Variants in CHFR observed in about 807,000 individuals in gnomAD.
CHFR encodes the protein checkpoint with forkhead and ring finger domains, also known as E3 ubiquitin-protein ligase CHFR.
In CHFR, 57 loss-of-function variants were observed where a neutral mutation model predicts 87.6. The observed-to-expected ratio is 0.65, with a 90% CI of 0.53 to 0.81. The LOEUF (loss-of-function observed/expected upper bound fraction) is 0.81. CHFR is among the 30% of genes least tolerant of loss of function. CHFR has a pLI of 0.00. For synonymous variants in CHFR, 381 were observed against 359.2 expected (o/e 1.06, Z -0.69); for missense variants, 797 against 865.8 (o/e 0.92, Z 1.00).
chr12:132,859,249 T>TCTAA (rs761393257), intron 7 of CHFR, 22 bp from the exon 8 acceptor site: 3 of 1,603,404 alleles, frequency 1.9e-6, no homozygotes, highest in Non-Finnish European at 2.6e-6. Context: ...AGGGATGTGT[T>TCTAA]CTGTCGTAAC....
At chr12:132,884,957 A>T (rs1042001950) in intron 2 of CHFR, among the ~76,000 whole-genome samples, 4 of 151,884 alleles carry the variant, frequency 2.6e-5, no homozygotes, top group African/African-American at 9.7e-5. Flanking sequence ...GTGTGGTGGT[A>T]CGTGCCTGTA....
intron 6 of CHFR, among the ~76,000 whole-genome samples, chr12:132,862,996 A>C (rs1951250428): frequency 6.7e-6 from 1 of 150,056 alleles, no homozygotes; most frequent in Non-Finnish European, 1.5e-5. Flanking sequence ...TCCCTGGTTC[A>C]CGCCATTCTC....
At chr12:132,873,331 C>T (rs945794049) in intron 3 of CHFR, among the ~76,000 whole-genome samples, 1 of 152,196 alleles carries the variant, frequency 6.6e-6, no homozygotes, top group Non-Finnish European at 1.5e-5. Flanking sequence ...AGACAGTAAG[C>T]AAATGAACTG....
chr12:132,878,919 A>C (rs1951698760), intron 2 of CHFR, among the ~76,000 whole-genome samples: 1 of 151,854 alleles, frequency 6.6e-6, no homozygotes, highest in Non-Finnish European at 1.5e-5. Flanking sequence ...TAGGTTTCAT[A>C]AATCAACATA....
At chr12:132,842,988 C>T (rs1275602613) in intron 17 of CHFR, 23 bp downstream of exon 17, 4 of 1,596,796 alleles carry the variant, frequency 2.5e-6, no homozygotes, top group South Asian at 1.1e-5. Flanking sequence ...GTAGCTGACG[C>T]CTGTGCCCCC....
At chr12:132,884,455 A>G (rs554402332) in intron 2 of CHFR, among the ~76,000 whole-genome samples, 151 of 151,660 alleles carry the variant, frequency 1.0e-3, no homozygotes, top group Non-Finnish European at 1.9e-3. Flanking sequence ...ATAAATAAAT[A>G]AAATAATCAA....
In CHFR at chr12:132,887,284, G is replaced by T. The variant is rs547086677; in HGVS notation, c.45C>A (p.Pro15=). Residue 15 remains proline, a synonymous_variant, in exon 2 of 18, where the codon CCC becomes CCA. Transcript: ENST00000450056. ...CGCCCAGACGCAGGAGCCGTCCCCA[G>T]GGCTGCGGCGGCGGCGACTGCTTGC... The part of the protein sequence containing the change: ...EEGKQSPPPQ[P]WGRLLRLGAE... The T allele has an allele frequency of 1.3e-6, 2 of 1,488,042 alleles. No individual in the cohort carries two copies. Among genetic ancestry groups the T allele is most frequent in the South Asian group, 1.3e-5 (1 of 79,138 alleles). The allele number at this position is 1,488,042 out of a possible 1,614,324, so 92.2% of individuals were successfully genotyped here.
chr12:132,869,849 G>A lies in CHFR; in HGVS notation c.404-51C>T, dbSNP rs1343501079. The stretch of plus-strand genomic sequence containing the variant: ...CTTGTTAGCTTCTGTAACCCAAAAG[G>A]AGCAGAAGCAGCACACAACCAGGGC... On this transcript the variant is annotated intron_variant, in intron 5 of 17. Coordinates refer to ENST00000450056, the MANE Select transcript of CHFR (RefSeq NM_001161346.2). 7 of 1,542,828 alleles carry A rather than the reference G, an allele frequency of 4.5e-6. No individual in the cohort carries two copies. In the Admixed American group the frequency reaches 1.4e-4, roughly 30 times the overall value.
chr12:132,880,427 G>A (rs374679777), intron 2 of CHFR, among the ~76,000 whole-genome samples: 21 of 151,780 alleles, frequency 1.4e-4, no homozygotes, highest in African/African-American at 2.7e-4. Flanking sequence ...GAGGCCAAGG[G>A]GGGGGCGGAT....
At chr12:132,872,497 G>T in intron 3 of CHFR, 103 bp from the exon 4 acceptor site, 2 of 714,838 alleles carry the variant, frequency 2.8e-6, no homozygotes, top group Non-Finnish European at 2.5e-6. Flanking sequence ...GACCACTCTG[G>T]AAATACTCAT....
intron 6 of CHFR, chr12:132,862,496 CA>C: frequency 2.4e-6 from 1 of 419,882 alleles, no homozygotes; most frequent in Non-Finnish European, 4.7e-6. Flanking sequence ...CCCAGCTACT[CA>C]GGAGGCTGAG....
rs752333209 is a variant in CHFR at position 132,853,436 on chromosome 12, G to A, written c.1367C>T (p.Thr456Met). ...CTGAGGGCGGCGCGGCTCACCTGTC[G>A]TCAGGCTGACGGACGTGGAGGGTGC... ...GDAPSTSVSL[T>M]TAVQDYVCPL... The change falls in exon 11 of 18, where the codon ACG becomes ATG. Residue 456 changes from threonine (T) to methionine (M), a missense_variant. By Grantham distance (81) the Thr-to-Met change is moderately conservative (BLOSUM62 -1). Coordinates refer to ENST00000450056, the MANE Select transcript of CHFR (RefSeq NM_001161346.2). 35 of 1,522,702 alleles carry A rather than the reference G, an allele frequency of 2.3e-5. No individual in the cohort carries two copies. The highest frequency in any genetic ancestry group is 1.0e-4 in the South Asian group (8 of 79,122). 94.3% of individuals were successfully genotyped at this position (1,522,702 alleles called of 1,614,324 possible). A position where few individuals can be genotyped will look rare whatever the true frequency, so the allele number is the denominator to read the frequency against.
chr12:132,836,752 G>A lies in CHFR; in HGVS notation c.*4802C>T, dbSNP rs1950650591. 2.2e-6 allele frequency: 1 copy of A among 456,088 alleles called. No individual in the cohort carries two copies. Among genetic ancestry groups the A allele is most frequent in the Non-Finnish European group, 4.4e-6 (1 of 226,790 alleles). The allele number at this position is 456,088 out of a possible 1,614,324, so 28.3% of individuals were successfully genotyped here. Reference sequence around the variant, plus strand: ...GTGAAAAGTGAGCGACAGAGGAAGGGGCGCCTGTTTGTGCCGCGGGAAAGA... The same window carrying A: ...GTGAAAAGTGAGCGACAGAGGAAGGAGCGCCTGTTTGTGCCGCGGGAAAGA... On this transcript the variant is annotated 3_prime_UTR_variant, in exon 18 of 18. Transcript: ENST00000450056.
intron 9 of CHFR, 35 bp downstream of exon 9, chr12:132,857,370 C>T (rs763509451): frequency 1.5e-5 from 24 of 1,608,758 alleles, no homozygotes; most frequent in South Asian, 1.2e-4. Context: ...ACCGCCCTCA[C>T]GTGCCCGGGT....
rs1219245290 is a variant in CHFR, at chr12:132,836,850, T to C, written c.*4704A>G. ...CAGTAGCCAACTGGTCAGTGATCAG[T>C]AGATGCTGCCCTGGGGCCAAACATT... On this transcript the variant is annotated 3_prime_UTR_variant, in exon 18 of 18. Coordinates refer to ENST00000450056, the MANE Select transcript of CHFR (RefSeq NM_001161346.2). 6 of 441,766 alleles carry C rather than the reference T, an allele frequency of 1.4e-5. No individual in the cohort carries two copies. Among genetic ancestry groups the C allele is most frequent in the Admixed American group, 2.4e-5 (1 of 40,892 alleles). 27.4% of individuals were successfully genotyped at this position (441,766 alleles called of 1,614,324 possible). A position where few individuals can be genotyped will look rare whatever the true frequency, so the allele number is the denominator to read the frequency against.
At chr12:132,878,018 G>A (rs1212067016) in intron 2 of CHFR, among the ~76,000 whole-genome samples, 1 of 152,004 alleles carries the variant, frequency 6.6e-6, no homozygotes, top group African/African-American at 2.4e-5. Flanking sequence ...TAGCCAGGAT[G>A]GTCTCGATCT....
At chr12:132,848,761 C>G in intron 12 of CHFR, 37 bp from the exon 13 acceptor site, 1 of 1,466,310 alleles carries the variant, frequency 6.8e-7, no homozygotes, top group Non-Finnish European at 9.4e-7. Flanking sequence ...GCACTCAGCG[C>G]TGAGGGCTGT....
rs1324580295 is a variant in CHFR, at chr12:132,848,706, G to A, written c.1511C>T (p.Pro504Leu). ...APQQCAVCLQ[P>L]FCHLYWGCTR... is the part of the protein sequence containing the mutation. ...GCAGCCCCAGTACAGGTGGCAGAAA[G>A]GCTGCAGGCAGACCGCACCTGTGGA... The change falls in exon 13 of 18, where the codon CCT (proline) becomes CTT (leucine). Residue 504 changes from proline to leucine, a missense_variant. Pro to Leu is a moderately conservative substitution (Grantham distance 98). This residue lies in a region of CHFR where 200 missense variants were observed against 264.6 expected (regional missense o/e 0.76). Coordinates refer to ENST00000450056, the MANE Select transcript of CHFR (RefSeq NM_001161346.2). 2 of 1,588,580 alleles carry A rather than the reference G, an allele frequency of 1.3e-6. No homozygotes were observed. Among genetic ancestry groups the A allele is most frequent in the East Asian group, 2.3e-5 (1 of 43,566 alleles).
At chr12:132,866,610 GAA>G (rs1566193355) in intron 6 of CHFR, 1 of 117,034 alleles carries the variant, frequency 8.5e-6, no homozygotes, top group South Asian at 3.1e-4. Flanking sequence ...CAACACACCA[GAA>G]AGTTACAACA....
Sources: allele counts gnomAD v4.1 joint callset (sites outside exome capture counted in the v4.1 genomes callset), GRCh38; gene constraint gnomAD v4.1.1; regional missense constraint gnomAD v4.1.1; transcripts MANE v1.5; gene names NCBI Gene and HGNC (gene_info 2026-07-23, HGNC 2026-07-21).